Variants in CASK observed in about 807,000 individuals in gnomAD.
CASK encodes calcium/calmodulin dependent serine protein kinase.
A neutral mutation model predicts 82.9 loss-of-function variants in CASK; 4 were observed. The ratio of observed to expected loss-of-function variants is 0.05; its 90% CI spans 0.02 to 0.11. The LOEUF is 0.11. Among genes scored for constraint, CASK ranks in the 10% least tolerant of loss-of-function variants. The pLI is 1.00. For synonymous variants in CASK, 259 were observed against 253.5 expected (o/e 1.02, Z -0.20); for missense variants, 358 against 720.9 (o/e 0.50, Z 5.76).
At chrX:41,653,215 C>T (rs959350167) in intron 8 of CASK, among the ~76,000 whole-genome samples, 17 of 111,701 alleles carry the variant, frequency 1.5e-4, no homozygotes, top group African/African-American at 5.2e-4. Flanking sequence ...TTTGCTAGAA[C>T]GGCCCTGGCT....
chrX:41,683,859 T>G (rs1023464048), intron 5 of CASK, among the ~76,000 whole-genome samples: 10 of 112,072 alleles, frequency 8.9e-5, no homozygotes, highest in African/African-American at 3.2e-4. Flanking sequence ...AATACCTACA[T>G]TATCAATAAC....
chrX:41,710,131 G>GTT (rs1280013105), intron 5 of CASK, among the ~76,000 whole-genome samples: 4 of 104,086 alleles, frequency 3.8e-5, no homozygotes, highest in African/African-American at 1.4e-4. Flanking sequence ...GTGTGTGTGT[G>GTT]TTTTGTACCT....
chrX:41,551,922 C>A (rs1433557970), intron 21 of CASK, among the ~76,000 whole-genome samples: 1 of 106,650 alleles, frequency 9.4e-6, no homozygotes. Context: ...ACTGAGCTCC[C>A]CAGTACCTTT....
intron 5 of CASK, chrX:41,676,443 G>A: frequency 5.0e-6 from 6 of 1,196,554 alleles, no homozygotes; most frequent in Non-Finnish European, 6.7e-6. Flanking sequence ...TCATCATATC[G>A]CTCAGCCTGC....
Position 41,665,312 on chromosome X carries a change from T to C in CASK, c.673A>G (p.Arg225Gly), listed in dbSNP as rs772502323. 6 of 1,207,929 alleles carry C rather than the reference T, an allele frequency of 5.0e-6. No individual in the cohort carries two copies. ...GCLPFYGTKE[R>G]LFEGIIKGKY... ...CCTTTAATAATGCCTTCAAACAATC[T>C]TTCCTTGGTTCCGTAAAAAGGCAAA... The change falls in exon 7 of 27, where the codon AGA (arginine) becomes GGA (glycine). Residue 225 changes from arginine (R) to glycine (G), a missense_variant. Physicochemically the swap from Arg to Gly is moderately radical, Grantham distance 125. Transcript: ENST00000378163.
intron 2 of CASK, among the ~76,000 whole-genome samples, chrX:41,822,859 C>T (rs1332773589): frequency 1.8e-5 from 2 of 110,278 alleles, no homozygotes; most frequent in African/African-American, 6.6e-5. Context: ...CTATTACTTT[C>T]ATCTCTCTTG....
In CASK at chrX:41,690,497, C is replaced by A. The variant is rs1287402663; in HGVS notation, c.430-18967G>T. 1.4e-4 allele frequency among the ~76,000 whole-genome samples: 15 copies of A among 107,482 alleles called. No individual in the cohort carries two copies. The Admixed American group carries it at 1.5e-3, about 11-fold the overall frequency. 93.3% of individuals were successfully genotyped at this position (107,482 alleles called of 115,157 possible). A position where few individuals can be genotyped will look rare whatever the true frequency, so the allele number is the denominator to read the frequency against. On this transcript the variant is annotated intron_variant, in intron 5 of 26. Transcript: ENST00000378163. The stretch of plus-strand genomic sequence containing the variant: ...GAGTAGCTGGGACTACAGGTGCGTG[C>A]CACCACGCCCTGCTAATTTTTTTTT...
chrX:41,577,853 G>T (rs2065505555), intron 15 of CASK, among the ~76,000 whole-genome samples: 1 of 111,747 alleles, frequency 8.9e-6, no homozygotes, highest in South Asian at 3.8e-4. Context: ...AGGTAGCTGG[G>T]AGTGGAAGAA....
At chrX:41,835,677 T>C (rs761178001) in intron 2 of CASK, among the ~76,000 whole-genome samples, 5 of 112,243 alleles carry the variant, frequency 4.5e-5, no homozygotes, top group African/African-American at 6.5e-5. Flanking sequence ...TAGAATTATA[T>C]TGAACAAGTA....
chrX:41,728,956 T>C (rs1296087027), intron 5 of CASK: 1 of 123,255 alleles, frequency 8.1e-6, no homozygotes, highest in African/African-American at 3.2e-5. Flanking sequence ...AATGCTTAAA[T>C]ATTTGGATTA....
In CASK at chrX:41,739,376, T is replaced by G. The variant is rs895007023; in HGVS notation, c.429+8A>C. The G allele has an allele frequency of 1.8e-6, 2 of 1,102,589 alleles. No individual in the cohort carries two copies. Among genetic ancestry groups the G allele is most frequent in the African/African-American group, 3.6e-5 (2 of 55,452 alleles). The allele number at this position is 1,102,589 out of a possible 1,213,427, so 90.9% of individuals were successfully genotyped here. ...AAACATTAAAGTTAGTGATAACAAA[T>G]GACTTACCTTCACATCCCTGTGAAT... On this transcript the variant is annotated splice_region_variant and intron_variant, in intron 5 of 26. Coordinates refer to ENST00000378163, the MANE Select transcript of CASK (RefSeq NM_001367721.1).
In CASK at chrX:41,871,815, G is replaced by A. The variant is rs769457547; in HGVS notation, c.60-18588C>T. Among the ~76,000 whole-genome samples, 3 of 111,941 alleles carry A rather than the reference G, an allele frequency of 2.7e-5. No individual in the cohort carries two copies. The South Asian group carries it at 1.1e-3, about 42-fold the overall frequency. ...TCTGAGTTCAGATACATAGACCTTG[G>A]GGTTTCCAGAGGCACAATGACCATA... On this transcript the variant is annotated intron_variant, in intron 1 of 26. Coordinates refer to ENST00000378163, the MANE Select transcript of CASK (RefSeq NM_001367721.1).
intron 5 of CASK, among the ~76,000 whole-genome samples, chrX:41,726,198 C>T (rs1188799429): frequency 1.8e-5 from 2 of 112,695 alleles, no homozygotes; most frequent in Non-Finnish European, 3.8e-5. Context: ...TTCCTCCCAC[C>T]TTAGCCTCCC....
chrX:41,763,083 C>T (rs1163299632), intron 3 of CASK, among the ~76,000 whole-genome samples: 3 of 111,247 alleles, frequency 2.7e-5, no homozygotes, highest in Non-Finnish European at 5.7e-5. Flanking sequence ...CTGAGATAAT[C>T]AGATAGATAC....
At chrX:41,680,061 G>A (rs1053587270) in intron 5 of CASK, among the ~76,000 whole-genome samples, 5 of 110,856 alleles carry the variant, frequency 4.5e-5, no homozygotes, top group South Asian at 3.8e-4. Flanking sequence ...TTAGCTGGGC[G>A]TGGCGGCACA....
In CASK at chrX:41,547,017, G is replaced by A. The variant is rs946679805; in HGVS notation, c.2040-4211C>T. Among the ~76,000 whole-genome samples, 5 of 110,592 alleles carry A rather than the reference G, an allele frequency of 4.5e-5. No homozygotes were observed. The Admixed American group carries it at 4.8e-4, about 11-fold the overall frequency. On this transcript the variant is annotated intron_variant, in intron 21 of 26. Coordinates refer to ENST00000378163, the MANE Select transcript of CASK (RefSeq NM_001367721.1). Reference sequence around the variant, plus strand: ...ACGATCTCGGCTCACTGCAACCTCCGCCTCCCGGGTTCCAGCGATTCTCCT... The same window carrying A: ...ACGATCTCGGCTCACTGCAACCTCCACCTCCCGGGTTCCAGCGATTCTCCT...
intron 3 of CASK, among the ~76,000 whole-genome samples, chrX:41,747,345 C>T (rs1478509256): frequency 4.5e-5 from 5 of 111,404 alleles, no homozygotes. Flanking sequence ...AGAAATAAAG[C>T]CTGGATGAAC....
intron 25 of CASK, among the ~76,000 whole-genome samples, chrX:41,528,490 T>C (rs188074427): frequency 4.5e-4 from 50 of 112,086 alleles, no homozygotes; most frequent in Non-Finnish European, 7.9e-4. Flanking sequence ...TTTCCTATGG[T>C]CCACATGTAG....
At chrX:41,829,816 C>G (rs1225616557) in intron 2 of CASK, among the ~76,000 whole-genome samples, 3 of 83,779 alleles carry the variant, frequency 3.6e-5, no homozygotes, top group African/African-American at 1.3e-4. Context: ...ATTTGCATCC[C>G]TATTAGCAGT....
Sources: gnomAD v4.1 joint callset for allele counts (sites outside exome capture counted in the v4.1 genomes callset) on GRCh38, gnomAD v4.1.1 for gene constraint, MANE v1.5 for transcripts, NCBI Gene and HGNC (gene_info 2026-07-23, HGNC 2026-07-21) for gene names.